RYR3: variants seen among roughly 807,000 people sequenced by gnomAD.
RYR3 encodes ryanodine receptor 3, also known as brain ryanodine receptor-calcium release channel.
Under a neutral mutation model 584.3 loss-of-function variants are expected in RYR3, and 207 were observed. That is an observed-to-expected ratio of 0.35 (90% CI 0.32 to 0.40). RYR3 has a LOEUF of 0.40. RYR3 is among the 10% of genes least tolerant of loss of function. The pLI is 1.00. For missense variants in RYR3, 5,616 were observed against 6,089.2 expected, an observed-to-expected ratio of 0.92 and a Z score of 2.59; for synonymous variants, 2,416 against 2,248.5, an observed-to-expected ratio of 1.07 and a Z score of -2.11.
intron 1 of RYR3, among the ~76,000 whole-genome samples, chr15:33,416,537 A>G (rs969176515): frequency 1.3e-5 from 2 of 151,886 alleles, no homozygotes; most frequent in Admixed American, 6.6e-5. Flanking sequence ...TTAATGGGTT[A>G]TATGTTTTTT....
chr15:33,599,391 T>C (rs645062), intron 16 of RYR3, among the ~76,000 whole-genome samples: 68,354 of 152,010 alleles, frequency 0.45, 15,999 homozygotes, highest in East Asian at 0.79. Context: ...TAAGGTGGTC[T>C]GAGCACAGCT....
intron 1 of RYR3, among the ~76,000 whole-genome samples, chr15:33,448,351 T>C (rs745693316): frequency 2.0e-5 from 3 of 152,240 alleles, no homozygotes; most frequent in East Asian, 1.9e-4. Context: ...CCTTTTGCCC[T>C]GAGGCTACCC....
Position 33,713,509 on chromosome 15 carries a change from A to G in RYR3, c.6619+6455A>G, listed in dbSNP as rs185896128. On this transcript the variant is annotated intron_variant, in intron 43 of 103. Transcript: ENST00000634891. ...GTGTGGTGAATGATGGTGAGTGATG[A>G]TGGGGGTGGTGAGGGTTGTGGTGAG... 2.3e-3 allele frequency among the ~76,000 whole-genome samples: 338 copies of G among 145,338 alleles called. 1 individual carries two copies. Among genetic ancestry groups the G allele is most frequent in the Middle Eastern group, 0.011 (3 of 274 alleles).
intron 1 of RYR3, among the ~76,000 whole-genome samples, chr15:33,430,586 C>T (rs907555251): frequency 6.6e-6 from 1 of 152,192 alleles, no homozygotes. Context: ...CAGTTTCCCC[C>T]TTATCTGAGG....
At chr15:33,722,577 G>T in intron 43 of RYR3, 138 bp from the exon 44 acceptor site, 1 of 757,984 alleles carries the variant, frequency 1.3e-6, no homozygotes, top group Non-Finnish European at 2.2e-6. Context: ...CACTCCCACT[G>T]CCCACTTGAC....
chr15:33,569,456 A>G (rs1428260987), intron 12 of RYR3, among the ~76,000 whole-genome samples: 2 of 152,022 alleles, frequency 1.3e-5, no homozygotes, highest in Non-Finnish European at 2.9e-5. Context: ...TGCTTCTATG[A>G]GTTTATTCTC....
chr15:33,468,262 C>A (rs2048649256), intron 1 of RYR3, among the ~76,000 whole-genome samples: 1 of 152,150 alleles, frequency 6.6e-6, no homozygotes, highest in South Asian at 2.1e-4. Context: ...TGGTGACTGG[C>A]CATTAAATAT....
At chr15:33,356,261 C>A (rs1301338581) in intron 1 of RYR3, among the ~76,000 whole-genome samples, 1 of 152,104 alleles carries the variant, frequency 6.6e-6, no homozygotes, top group Non-Finnish European at 1.5e-5. Context: ...TCTCTTAAAG[C>A]AGAATAACTG....
chr15:33,707,124 G>C lies in RYR3; in HGVS notation c.6619+70G>C. The C allele has an allele frequency of 5.2e-6, 8 of 1,552,594 alleles. No individual in the cohort carries two copies. The South Asian group carries it at 9.3e-5, about 18-fold the overall frequency. On this transcript the variant is annotated intron_variant, in intron 43 of 103. Coordinates refer to ENST00000634891, the MANE Select transcript of RYR3 (RefSeq NM_001036.6). Reference sequence around the variant, plus strand: ...GATCGTGGATACCTACAAGGAAAAGGATATCCTTTCCATTGCTTCTTATCT... The same window carrying C: ...GATCGTGGATACCTACAAGGAAAAGCATATCCTTTCCATTGCTTCTTATCT...
At chr15:33,604,190 G>A (rs543245733) in intron 18 of RYR3, among the ~76,000 whole-genome samples, 5 of 152,320 alleles carry the variant, frequency 3.3e-5, no homozygotes, top group South Asian at 2.1e-4. Context: ...CCGTGTGCCC[G>A]TTACATAAGT....
In RYR3 at chr15:33,724,177, G is replaced by A. The variant is rs1165104701; in HGVS notation, c.6912+1G>A. The A allele has an allele frequency of 1.9e-6, 3 of 1,547,362 alleles. No homozygotes were observed. Among genetic ancestry groups the A allele is most frequent in the African/African-American group, 1.4e-5 (1 of 73,766 alleles). On this transcript the variant is annotated splice_donor_variant, in intron 45 of 103. Transcript: ENST00000634891. LOFTEE classifies it high-confidence loss of function. The stretch of plus-strand genomic sequence containing the variant: ...GGGCCGCTGTGCTCCTGAAATGCAC[G>A]TAAGTGATACAGCTTCCAGAGAACA...
chr15:33,314,390 T>C (rs1431467805), intron 1 of RYR3, among the ~76,000 whole-genome samples: 1 of 152,188 alleles, frequency 6.6e-6, no homozygotes, highest in Non-Finnish European at 1.5e-5. Flanking sequence ...CAAGAAGTTA[T>C]GGTGAGAAGA....
rs1888058495 is a variant in RYR3 at position 33,861,161 on chromosome 15, C to T, written c.14448C>T (p.His4816=). 6.3e-7 allele frequency: 1 copy of T among 1,588,336 alleles called. No individual in the cohort carries two copies. The highest frequency in any genetic ancestry group is 8.6e-7 in the Non-Finnish European group (1 of 1,165,810). ...TTGAAACACATACATTACAAGAGCA[C>T]AACTTAGCCAACTACTTGTGAGTAT... ...HGFETHTLQE[H]NLANYLFFLM... is the part of the protein sequence containing the mutation. The change falls in exon 102 of 104, where the codon CAC becomes CAT. Residue 4816 remains histidine (H), a synonymous_variant. Transcript: ENST00000634891.
chr15:33,707,410 G>C (rs917636252), intron 43 of RYR3, among the ~76,000 whole-genome samples: 4 of 152,258 alleles, frequency 2.6e-5, no homozygotes, highest in African/African-American at 7.2e-5. Context: ...TGTACATCTA[G>C]ATCCCTGGAC....
rs758257286 is a variant in RYR3 at position 33,603,193 on chromosome 15, A to T, written c.1993A>T (p.Ile665Phe). ...GTACAAGAAGTGGTACTTCGAGCTG[A>T]TTATCGACCAGGTGGACCCCTTCCT... is the stretch of plus-strand genomic sequence containing the variant. ...AQYKKWYFELIIDQVDPFLTA... is the reference protein window; with the variant it reads ...AQYKKWYFELFIDQVDPFLTA... Residue 665 changes from isoleucine to phenylalanine, a missense_variant, in exon 18 of 104, where the codon ATT (isoleucine) becomes TTT (phenylalanine). By Grantham distance (21) the Ile-to-Phe change is conservative. Coordinates refer to ENST00000634891, the MANE Select transcript of RYR3 (RefSeq NM_001036.6). The T allele has an allele frequency of 6.2e-7, 1 of 1,613,874 alleles. No individual in the cohort carries two copies. Among genetic ancestry groups the T allele is most frequent in the East Asian group, 2.2e-5 (1 of 44,868 alleles).
intron 16 of RYR3, among the ~76,000 whole-genome samples, chr15:33,593,526 G>A (rs2059234906): frequency 6.6e-6 from 1 of 152,140 alleles, no homozygotes. Context: ...TTAGTAGGCA[G>A]GTATGAAAGT....
chr15:33,392,266 C>T (rs150168470), intron 1 of RYR3, among the ~76,000 whole-genome samples: 3 of 151,392 alleles, frequency 2.0e-5, no homozygotes, highest in Non-Finnish European at 4.4e-5. Context: ...TCGTTGCATG[C>T]GTCAGTGTCT....
At chr15:33,712,390 C>G (rs1402007616) in intron 43 of RYR3, among the ~76,000 whole-genome samples, 1 of 151,974 alleles carries the variant, frequency 6.6e-6, no homozygotes, top group African/African-American at 2.4e-5. Flanking sequence ...GAACAGAGGT[C>G]ACATTGAAGC....
At chr15:33,370,496 G>GC (rs2141088417) in intron 1 of RYR3, among the ~76,000 whole-genome samples, 1 of 152,308 alleles carries the variant, frequency 6.6e-6, no homozygotes, top group East Asian at 1.9e-4. Context: ...GACACAGCTG[G>GC]CCATAAAGAA....
Sources: gnomAD v4.1 joint callset for allele counts (sites outside exome capture counted in the v4.1 genomes callset) on GRCh38, gnomAD v4.1.1 for gene constraint, MANE v1.5 for transcripts, NCBI Gene and HGNC (gene_info 2026-07-23, HGNC 2026-07-21) for gene names.